The following RBFOX1 variants were observed in gnomAD, a reference collection of about 807,000 sequenced individuals.
RBFOX1 encodes RNA binding fox-1 homolog 1, also known as RNA binding protein fox-1 homolog 1.
A neutral mutation model predicts 57.7 loss-of-function variants in RBFOX1; 8 were observed. The ratio of observed to expected loss-of-function variants is 0.14; its 90% CI spans 0.08 to 0.25. RBFOX1 has a LOEUF of 0.25. Among genes scored for constraint, RBFOX1 ranks in the 10% least tolerant of loss-of-function variants. The pLI, the probability that RBFOX1 is intolerant of heterozygous loss-of-function variation, is 1.00. For missense variants in RBFOX1, 611 were observed against 548.5 expected, an observed-to-expected ratio of 1.11 and a Z score of -1.14; for synonymous variants, 326 against 222.4, an observed-to-expected ratio of 1.47 and a Z score of -4.15.
intron 1 of RBFOX1, among the ~76,000 whole-genome samples, chr16:5,343,899 G>A (rs374949633): frequency 6.6e-6 from 1 of 152,316 alleles, no homozygotes; most frequent in African/African-American, 2.4e-5. Flanking sequence ...ATACTGTGCA[G>A]TGGATTTCTG....
At chr16:5,504,364 C>G (rs1039241222) in intron 2 of RBFOX1, among the ~76,000 whole-genome samples, 6 of 152,248 alleles carry the variant, frequency 3.9e-5, no homozygotes, top group Non-Finnish European at 7.3e-5. Context: ...CTTGCCCAGC[C>G]TGGCCCAGGC....
chr16:6,600,238 C>T (rs1004569595), intron 2 of RBFOX1, among the ~76,000 whole-genome samples: 3 of 152,140 alleles, frequency 2.0e-5, no homozygotes, highest in Non-Finnish European at 4.4e-5. Context: ...AACACGAAAT[C>T]CACCAGACAG....
chr16:5,335,068 G>T (rs1408974176), intron 1 of RBFOX1, among the ~76,000 whole-genome samples: 2 of 152,110 alleles, frequency 1.3e-5, no homozygotes, highest in East Asian at 3.9e-4. Context: ...TTCAATTTCT[G>T]TGCTCACTGG....
chr16:6,066,673 C>G (rs1014571524), intron 1 of RBFOX1, among the ~76,000 whole-genome samples: 3 of 152,150 alleles, frequency 2.0e-5, no homozygotes, highest in Non-Finnish European at 4.4e-5. Flanking sequence ...AGGTGGAAGT[C>G]TCCCGAAATA....
intron 15 of RBFOX1, chr16:7,710,201 ATTTTCATCCCAATTCTG>A: frequency 9.7e-7 from 1 of 1,029,634 alleles, no homozygotes; most frequent in Non-Finnish European, 1.2e-6. Context: ...GTAGGTTGAG[ATTTTCATCCCAATTCTG>A]CATTCAACAA....
intron 1 of RBFOX1, among the ~76,000 whole-genome samples, chr16:5,425,263 G>C (rs556962178): frequency 1.3e-5 from 2 of 151,814 alleles, no homozygotes; most frequent in Non-Finnish European, 2.9e-5. Flanking sequence ...GCACCACCAC[G>C]TCCAGCTAAT....
At chr16:6,278,652 A>T (rs947076294) in intron 1 of RBFOX1, among the ~76,000 whole-genome samples, 1 of 152,128 alleles carries the variant, frequency 6.6e-6, no homozygotes, top group Non-Finnish European at 1.5e-5. Flanking sequence ...TGTTAAAAAA[A>T]AGTCATACTG....
chr16:7,444,460 C>G (rs2098793256), intron 4 of RBFOX1, among the ~76,000 whole-genome samples: 3 of 152,108 alleles, frequency 2.0e-5, no homozygotes, highest in African/African-American at 7.2e-5. Flanking sequence ...AGGGGGAGAG[C>G]AGAAAGCAAA....
At chr16:5,268,198 A>G (rs2062911122) in intron 1 of RBFOX1, among the ~76,000 whole-genome samples, 1 of 152,286 alleles carries the variant, frequency 6.6e-6, no homozygotes, top group East Asian at 1.9e-4. Context: ...TGCAGCCTCT[A>G]CTAGAATGAA....
intron 2 of RBFOX1, among the ~76,000 whole-genome samples, chr16:5,493,155 T>C (rs1317619109): frequency 6.6e-6 from 1 of 152,254 alleles, no homozygotes; most frequent in East Asian, 1.9e-4. Flanking sequence ...CTTACTTAGA[T>C]GGTTCTTGAA....
intron 1 of RBFOX1, among the ~76,000 whole-genome samples, chr16:6,199,888 A>G (rs757415327): frequency 1.2e-4 from 18 of 152,212 alleles, no homozygotes; most frequent in Non-Finnish European, 1.3e-4. Flanking sequence ...CTAGAAGAAA[A>G]ACACATAAGT....
chr16:5,357,401 C>T (rs1462068010), intron 1 of RBFOX1, among the ~76,000 whole-genome samples: 2 of 152,186 alleles, frequency 1.3e-5, no homozygotes, highest in South Asian at 2.1e-4. Flanking sequence ...AGAGGATAGC[C>T]ATGGTTTCTG....
chr16:6,406,734 C>A lies in RBFOX1; in HGVS notation c.-64+89677C>A, dbSNP rs549485302. ...GAGGATGCTGGGACCCCCATCATGG[C>A]AAGCATGCATCATTGCAAAGGGTCT... On this transcript the variant is annotated intron_variant, in intron 2 of 15. Coordinates refer to ENST00000550418, the MANE Select transcript of RBFOX1 (RefSeq NM_018723.4). Among the ~76,000 whole-genome samples, 188 of 152,258 alleles carry A rather than the reference C, an allele frequency of 1.2e-3. 1 individual carries two copies. The highest frequency in any genetic ancestry group is 4.4e-3 in the African/African-American group (181 of 41,554).
chr16:6,087,591 A>G (rs558412324), intron 1 of RBFOX1, among the ~76,000 whole-genome samples: 50 of 151,954 alleles, frequency 3.3e-4, no homozygotes, highest in Admixed American at 2.5e-3. Context: ...TTAAATAACT[A>G]TATACTGTTC....
intron 4 of RBFOX1, among the ~76,000 whole-genome samples, chr16:7,416,802 C>T (rs1261632661): frequency 6.6e-6 from 1 of 151,958 alleles, no homozygotes; most frequent in African/African-American, 2.4e-5. Context: ...GAGTAGATAT[C>T]ATGTATCAAC....
At chr16:6,546,532 T>G (rs1220581004) in intron 2 of RBFOX1, among the ~76,000 whole-genome samples, 1 of 152,186 alleles carries the variant, frequency 6.6e-6, no homozygotes. Context: ...CCATAGCACC[T>G]CTGTCTGCTT....
chr16:7,129,114 C>G (rs1386238876), intron 4 of RBFOX1, among the ~76,000 whole-genome samples: 1 of 152,106 alleles, frequency 6.6e-6, no homozygotes, highest in Non-Finnish European at 1.5e-5. Flanking sequence ...CCACGGCACG[C>G]AGTCATAAAG....
At chr16:5,304,974 T>G (rs2063898312) in intron 1 of RBFOX1, among the ~76,000 whole-genome samples, 1 of 152,224 alleles carries the variant, frequency 6.6e-6, no homozygotes, top group African/African-American at 2.4e-5. Context: ...TTTACCTGTT[T>G]TTCAGTTCCT....
chr16:6,085,650 T>TTGTGTGTGTGTGTGTGTG (rs71142678), intron 1 of RBFOX1, among the ~76,000 whole-genome samples: 1 of 150,488 alleles, frequency 6.6e-6, no homozygotes, highest in African/African-American at 2.4e-5. Context: ...CAGTGTGTGT[T>TTGTGTGTGTGTGTGTGTG]TGTGTGTGTG....
Sources: gnomAD v4.1 joint callset for allele counts (sites outside exome capture counted in the v4.1 genomes callset) on GRCh38, gnomAD v4.1.1 for gene constraint, MANE v1.5 for transcripts, NCBI Gene and HGNC (gene_info 2026-07-23, HGNC 2026-07-21) for gene names.